MBTD1: variants seen among roughly 807,000 people sequenced by gnomAD.
MBTD1 encodes the protein MBT domain-containing protein 1.
MBTD1 carries 24 observed loss-of-function variants against 87.8 expected under a neutral mutation model. The observed-to-expected ratio is 0.27, with a 90% CI of 0.20 to 0.38. The LOEUF (loss-of-function observed/expected upper bound fraction) is 0.38, where lower values mean the gene tolerates loss of function less well. Ranked by LOEUF, MBTD1 falls within the 10% of genes least tolerant of loss-of-function variation. MBTD1 has a pLI of 1.00. For missense variants in MBTD1, 436 were observed against 760.2 expected (o/e 0.57, Z 5.02); for synonymous variants, 237 against 248.6 (o/e 0.95, Z 0.44).
intron 2 of MBTD1, among the ~76,000 whole-genome samples, chr17:51,239,366 G>GT (rs1197456480): frequency 6.6e-6 from 1 of 151,974 alleles, no homozygotes; most frequent in Admixed American, 6.6e-5. Flanking sequence ...ATGGTTATAG[G>GT]TTTTTACCAT....
At chr17:51,243,665 C>T (rs2054278028) in intron 2 of MBTD1, among the ~76,000 whole-genome samples, 1 of 152,092 alleles carries the variant, frequency 6.6e-6, no homozygotes, top group South Asian at 2.1e-4. Flanking sequence ...TCGTATCTAT[C>T]TCTTTAGTGT....
chr17:51,242,293 C>T (rs768573234), intron 2 of MBTD1, among the ~76,000 whole-genome samples: 1 of 152,292 alleles, frequency 6.6e-6, no homozygotes, highest in East Asian at 1.9e-4. Context: ...GCCATCCCCA[C>T]AGGGTTTTTT....
At chr17:51,184,731 A>T (rs2144990492) in intron 16 of MBTD1, 2 of 152,332 alleles carry the variant, frequency 1.3e-5, no homozygotes, top group South Asian at 4.1e-4. Flanking sequence ...TACATCCAAG[A>T]TCCAATAAAA....
chr17:51,197,707 G>A (rs1440256127), intron 12 of MBTD1, among the ~76,000 whole-genome samples: 1 of 151,884 alleles, frequency 6.6e-6, no homozygotes, highest in African/African-American at 2.4e-5. Flanking sequence ...TATTGCTCAG[G>A]CTGGTTTCAA....
chr17:51,226,036 C>T (rs1434940807), intron 2 of MBTD1, among the ~76,000 whole-genome samples: 3 of 150,476 alleles, frequency 2.0e-5, no homozygotes, highest in African/African-American at 7.3e-5. Context: ...ACCTCGGCCT[C>T]CCAAAGTGCT....
At chr17:51,194,132 G>C (rs1383371672) in intron 13 of MBTD1, among the ~76,000 whole-genome samples, 1 of 152,156 alleles carries the variant, frequency 6.6e-6, no homozygotes, top group East Asian at 1.9e-4. Context: ...TTCTTGCAAG[G>C]AAAGAAAACT....
intron 2 of MBTD1, chr17:51,251,310 A>AT (rs2054768448): frequency 6.6e-6 from 1 of 151,978 alleles, no homozygotes; most frequent in Non-Finnish European, 1.5e-5. Flanking sequence ...TTCCTGAAGA[A>AT]TTTTTTCTTC....
At chr17:51,260,076 C>T (rs890877347), upstream of MBTD1, 1 of 390,942 alleles carries the variant, frequency 2.6e-6, no homozygotes, top group Non-Finnish European at 4.5e-6. Flanking sequence ...CCCAGCGCGC[C>T]TGCGCCGTGA....
chr17:51,194,280 C>G (rs1568155819), intron 13 of MBTD1, among the ~76,000 whole-genome samples: 1 of 152,098 alleles, frequency 6.6e-6, no homozygotes, highest in African/African-American at 2.4e-5. Context: ...TTTTAAAAGT[C>G]CACATAGGGC....
At chr17:51,228,534 C>G (rs1255725182) in intron 2 of MBTD1, among the ~76,000 whole-genome samples, 1 of 146,082 alleles carries the variant, frequency 6.8e-6, no homozygotes, top group African/African-American at 2.5e-5. Context: ...GCTACTCTAA[C>G]CATTTCCAAA....
chr17:51,182,012 A>G (rs2050333806), intron 16 of MBTD1, among the ~76,000 whole-genome samples: 1 of 152,040 alleles, frequency 6.6e-6, no homozygotes, highest in East Asian at 1.9e-4. Flanking sequence ...ATCCACTTGA[A>G]TCTAGTCCCG....
chr17:51,195,504 A>C, intron 12 of MBTD1, 143 bp from the exon 13 acceptor site: 1 of 580,440 alleles, frequency 1.7e-6, no homozygotes, highest in Non-Finnish European at 2.9e-6. Flanking sequence ...AGTTATGTTA[A>C]ATAACAGAAG....
chr17:51,197,636 A>G (rs765952163), intron 12 of MBTD1, among the ~76,000 whole-genome samples: 1 of 151,272 alleles, frequency 6.6e-6, no homozygotes, highest in African/African-American at 2.4e-5. Context: ...CCTCCTGGAT[A>G]GCTGGGTCTA....
chr17:51,260,709 C>T (rs913645089), upstream of MBTD1: 9 of 1,602,432 alleles, frequency 5.6e-6, no homozygotes, highest in Admixed American at 1.7e-5. Context: ...CCCCAAAAGC[C>T]TGCCCCTTCA....
At chr17:51,188,891 TG>T (rs2050672104) in intron 16 of MBTD1, among the ~76,000 whole-genome samples, 1 of 151,856 alleles carries the variant, frequency 6.6e-6, no homozygotes. Flanking sequence ...TCCCGAGTGC[TG>T]GGATTACAGG....
At chr17:51,191,884 A>G (rs1348616904) in intron 16 of MBTD1, 9 of 254,122 alleles carry the variant, frequency 3.5e-5, no homozygotes, top group Non-Finnish European at 6.8e-5. Flanking sequence ...CCTGGCTGCT[A>G]ATTTTTCTTT....
Position 51,179,146 on chromosome 17 carries a change from A to AT in MBTD1, c.*1429dup, listed in dbSNP as rs1245919952. ...AGGACTGTAGAGGTTAATCATTTTG[A>AT]TTAATTTCTAATTAGCCCTACCTAT... is the stretch of plus-strand genomic sequence containing the variant. On this transcript the variant is annotated 3_prime_UTR_variant, in exon 17 of 17. Transcript: ENST00000586178. 1 of 152,064 alleles carries AT rather than the reference A, an allele frequency of 6.6e-6. No individual in the cohort carries two copies. The highest frequency in any genetic ancestry group is 1.5e-5 in the Non-Finnish European group (1 of 68,022). 9.4% of individuals were successfully genotyped at this position (152,064 alleles called of 1,614,324 possible). A position where few individuals can be genotyped will look rare whatever the true frequency, so the allele number is the denominator to read the frequency against.
chr17:51,187,782 G>A (rs2050608526), intron 16 of MBTD1, among the ~76,000 whole-genome samples: 1 of 151,254 alleles, frequency 6.6e-6, no homozygotes, highest in Non-Finnish European at 1.5e-5. Flanking sequence ...CCGGGAGGCA[G>A]AGGTTGTGGC....
Position 51,200,864 on chromosome 17 carries a change from T to TA in MBTD1, c.1224+727dup, listed in dbSNP as rs555894570. On this transcript the variant is annotated intron_variant, in intron 12 of 16. Coordinates refer to ENST00000586178, the MANE Select transcript of MBTD1 (RefSeq NM_017643.3). ...GGATGACAGAGTGAGACCATGTCTT[T>TA]AAAAAAAAAAAAAATGCTGGGTGCC... Among the ~76,000 whole-genome samples, 1,206 of 138,122 alleles carry TA rather than the reference T, an allele frequency of 8.7e-3. 11 individuals carry two copies. The highest frequency in any genetic ancestry group is 0.022 in the African/African-American group (804 of 37,354). The allele number at this position is 138,122 out of a possible 152,430, so 90.6% of individuals were successfully genotyped here. A position where few individuals can be genotyped will look rare whatever the true frequency, so the allele number is the denominator to read the frequency against.
Sources: allele counts gnomAD v4.1 joint callset (sites outside exome capture counted in the v4.1 genomes callset), GRCh38; gene constraint gnomAD v4.1.1; transcripts MANE v1.5; gene names NCBI Gene and HGNC (gene_info 2026-07-23, HGNC 2026-07-21).